Variants in ARID1B observed in about 807,000 individuals in gnomAD.
ARID1B encodes the protein AT-rich interaction domain 1B, also known as AT-rich interactive domain-containing protein 1B.
Under a neutral mutation model 212.3 loss-of-function variants are expected in ARID1B, and 30 were observed. That is an observed-to-expected ratio of 0.14 (90% confidence interval 0.11 to 0.19). ARID1B has a LOEUF of 0.19. ARID1B is among the 10% of genes least tolerant of loss of function. The pLI, the probability that ARID1B is intolerant of heterozygous loss-of-function variation, is 1.00. For synonymous variants in ARID1B, 1,402 were observed against 1,301.7 expected (o/e 1.08, Z -1.66); for missense variants, 2,891 against 3,204.0 (o/e 0.90, Z 2.36).
At chr6:156,915,378 C>G (rs553642551) in intron 3 of ARID1B, among the ~76,000 whole-genome samples, 1 of 152,042 alleles carries the variant, frequency 6.6e-6, no homozygotes, top group East Asian at 1.9e-4. Context: ...ACCAGCCTGG[C>G]CAACATGGTG....
intron 4 of ARID1B, chr6:156,977,163 TTTTC>T (rs75964118): frequency 0.048 from 9,534 of 200,696 alleles, 346 homozygotes; most frequent in Non-Finnish European, 0.069. Context: ...ACTGGTGTGG[TTTTC>T]TTTGTGTGTC....
At chr6:156,813,036 A>G (rs555797154) in intron 1 of ARID1B, among the ~76,000 whole-genome samples, 13 of 148,648 alleles carry the variant, frequency 8.7e-5, no homozygotes, top group South Asian at 6.3e-4. Context: ...ATATACATAT[A>G]TATATACACA....
At chr6:156,790,985 G>A (rs1038327171) in intron 1 of ARID1B, among the ~76,000 whole-genome samples, 7 of 152,190 alleles carry the variant, frequency 4.6e-5, no homozygotes, top group Non-Finnish European at 1.0e-4. Flanking sequence ...TATATTATTA[G>A]TGAGAAAGAG....
chr6:157,121,909 T>G (rs1787749467), intron 6 of ARID1B, among the ~76,000 whole-genome samples: 1 of 152,204 alleles, frequency 6.6e-6, no homozygotes, highest in South Asian at 2.1e-4. Flanking sequence ...ATTACAGGCG[T>G]GAGCCTCTGT....
chr6:157,019,980 C>A (rs1399331156), intron 4 of ARID1B, among the ~76,000 whole-genome samples: 5 of 152,080 alleles, frequency 3.3e-5, no homozygotes, highest in African/African-American at 1.2e-4. Flanking sequence ...AATCTTAAGT[C>A]CTTTAGGGTT....
intron 5 of ARID1B, among the ~76,000 whole-genome samples, chr6:157,095,642 G>T (rs867964216): frequency 9.8e-5 from 15 of 152,332 alleles, no homozygotes; most frequent in Middle Eastern, 6.8e-3. Context: ...GGGCGGCATA[G>T]TGCTGAGGTT....
Position 156,988,328 on chromosome 6 carries a change from T to C in ARID1B, c.2247+52752T>C, listed in dbSNP as rs141585106. Among the ~76,000 whole-genome samples, 538 of 152,334 alleles carry C rather than the reference T, an allele frequency of 3.5e-3. 2 individuals are homozygous for C. Among genetic ancestry groups the C allele is most frequent in the Non-Finnish European group, 5.3e-3 (363 of 68,018 alleles). ...GGTGTTTCAAAGGAACACTTCTGTT[T>C]TAAGTGAGGTGACTCACATTTTGTA... On this transcript the variant is annotated intron_variant, in intron 4 of 19. Coordinates refer to ENST00000636930, the MANE Select transcript of ARID1B (RefSeq NM_001374828.1).
intron 4 of ARID1B, among the ~76,000 whole-genome samples, chr6:157,035,065 A>G (rs555843454): frequency 6.6e-6 from 1 of 152,252 alleles, no homozygotes; most frequent in South Asian, 2.1e-4. Flanking sequence ...CCACAGGGAG[A>G]GTTCTAAATT....
At chr6:157,147,201 GCCTCCGGCCCTGCCCTCCGTCCCTCA>G (rs1789798723) in intron 7 of ARID1B, among the ~76,000 whole-genome samples, 4 of 139,442 alleles carry the variant, frequency 2.9e-5, no homozygotes, top group Non-Finnish European at 4.7e-5. Flanking sequence ...CCTCACCCCC[GCCTCCGGCCCTGCCCTCCGTCCCTCA>G]CCTCCGACCC....
intron 3 of ARID1B, among the ~76,000 whole-genome samples, chr6:156,915,672 G>C (rs1790293385): frequency 6.6e-6 from 1 of 151,986 alleles, no homozygotes; most frequent in South Asian, 2.1e-4. Flanking sequence ...CAGGCGGGCA[G>C]ATCACTTGAG....
At chr6:156,926,439 T>C (rs370073988) in intron 3 of ARID1B, among the ~76,000 whole-genome samples, 2 of 152,020 alleles carry the variant, frequency 1.3e-5, no homozygotes, top group Admixed American at 1.3e-4. Context: ...GGGGAGGAGG[T>C]TGGAGGCATA....
intron 4 of ARID1B, among the ~76,000 whole-genome samples, chr6:156,970,834 G>C (rs1234761765): frequency 2.6e-5 from 4 of 152,166 alleles, no homozygotes; most frequent in African/African-American, 9.7e-5. Context: ...TCTTATGCTG[G>C]ACTCAGTTCT....
intron 4 of ARID1B, among the ~76,000 whole-genome samples, chr6:157,008,968 A>C (rs1779404033): frequency 6.6e-6 from 1 of 152,210 alleles, no homozygotes. Context: ...AGTTACAGAC[A>C]ATCTCGAAGA....
intron 1 of ARID1B, among the ~76,000 whole-genome samples, chr6:156,790,788 C>G (rs1388349408): frequency 2.6e-5 from 4 of 152,174 alleles, no homozygotes. Flanking sequence ...CCTCTTTCAC[C>G]CATGTCTATT....
rs555982668 is a variant in ARID1B at position 157,083,962 on chromosome 6, C to T, written c.2248-700C>T. On this transcript the variant is annotated intron_variant, in intron 4 of 19. Transcript: ENST00000636930. ...CAGCCTGGCCAACATGGTGAAACCC[C>T]GTCTCTATTAAAAATACAAAAATTA... 1.4e-3 allele frequency among the ~76,000 whole-genome samples: 206 copies of T among 151,796 alleles called. 1 individual carries two copies. Among genetic ancestry groups the T allele is most frequent in the African/African-American group, 4.7e-3 (196 of 41,462 alleles).
At chr6:157,087,471 G>C (rs780730108) in intron 5 of ARID1B, among the ~76,000 whole-genome samples, 3 of 152,168 alleles carry the variant, frequency 2.0e-5, no homozygotes, top group Non-Finnish European at 2.9e-5. Flanking sequence ...CCACCTTATA[G>C]GGGAAATGCA....
At chr6:156,803,254 A>G (rs1484741528) in intron 1 of ARID1B, among the ~76,000 whole-genome samples, 3 of 152,224 alleles carry the variant, frequency 2.0e-5, no homozygotes, top group African/African-American at 7.2e-5. Context: ...TTAAGAGCCA[A>G]CATTTTATTT....
intron 2 of ARID1B, among the ~76,000 whole-genome samples, chr6:156,854,613 CACAGTGCTTACAGCCTGCT>C (rs1285501614): frequency 2.6e-5 from 4 of 152,226 alleles, no homozygotes; most frequent in Non-Finnish European, 5.9e-5. Flanking sequence ...TGGCCTGTTC[CACAGTGCTTACAGCCTGCT>C]GCTGTAAACC....
chr6:156,949,427 C>T (rs1793414157), intron 4 of ARID1B, among the ~76,000 whole-genome samples: 1 of 152,226 alleles, frequency 6.6e-6, no homozygotes, highest in African/African-American at 2.4e-5. Flanking sequence ...CTGCCACATT[C>T]ACAAGTGTCC....
Sources: gnomAD v4.1 joint callset for allele counts (sites outside exome capture counted in the v4.1 genomes callset) on GRCh38, gnomAD v4.1.1 for gene constraint, MANE v1.5 for transcripts, NCBI Gene and HGNC (gene_info 2026-07-23, HGNC 2026-07-21) for gene names.